The following CELF2 variants were observed in gnomAD, a reference collection of about 807,000 sequenced individuals.
CELF2 encodes the protein CUGBP Elav-like family member 2.
In CELF2, 8 loss-of-function variants were observed where a neutral mutation model predicts 62.6. That is an observed-to-expected ratio of 0.13 (90% CI 0.07 to 0.23). CELF2 has a LOEUF of 0.23. Ranked by LOEUF, CELF2 falls within the 10% of genes least tolerant of loss-of-function variation. CELF2 has a pLI of 1.00. For synonymous variants in CELF2, 258 were observed against 250.0 expected, an observed-to-expected ratio of 1.03 and a Z score of -0.30; for missense variants, 333 against 671.0, an observed-to-expected ratio of 0.50 and a Z score of 5.56.
chr10:10,598,620 C>A, the CELF2 span, among the ~76,000 whole-genome samples: 1 of 151,838 alleles, frequency 6.6e-6, no homozygotes, highest in Non-Finnish European at 1.5e-5. Context: ...TTATTGTGTG[C>A]CTATTCAGAG....
intron 2 of CELF2, among the ~76,000 whole-genome samples, chr10:11,198,631 A>G (rs2058528053): frequency 6.6e-6 from 1 of 152,238 alleles, no homozygotes; most frequent in South Asian, 2.1e-4. Context: ...GGTTTTAAAA[A>G]GCAATCTAGA....
rs766956554 is a variant in CELF2 at position 10,972,846 on chromosome 10, A to T, written c.89+52847A>T. ...TACCTTCCTCAGAAAACATGGGGAC[A>T]TGGTAGATTTTGCCTGTGTCTTCCC... On this transcript the variant is annotated intron_variant, in intron 2 of 13. Coordinates refer to the CELF2 transcript ENST00000636488. The surrounding 1 kb of genome is among the most constrained non-coding windows in gnomAD (Gnocchi z 4.4). Among the ~76,000 whole-genome samples, 3 of 152,190 alleles carry T rather than the reference A, an allele frequency of 2.0e-5. No individual in the cohort carries two copies. The highest frequency in any genetic ancestry group is 4.4e-5 in the Non-Finnish European group (3 of 68,036).
At chr10:10,599,956 C>A in the CELF2 span, among the ~76,000 whole-genome samples, 14 of 152,234 alleles carry the variant, frequency 9.2e-5, no homozygotes, top group African/African-American at 2.4e-4. Flanking sequence ...TGGTCTCGAT[C>A]TCCTGACCTC....
chr10:11,195,944 AAT>A (rs1169144571), intron 2 of CELF2, among the ~76,000 whole-genome samples: 1 of 152,198 alleles, frequency 6.6e-6, no homozygotes, highest in Non-Finnish European at 1.5e-5. Context: ...ACAAAATATT[AAT>A]ACTCTTTTTT....
chr10:11,199,894 T>A (rs560983952), intron 2 of CELF2, among the ~76,000 whole-genome samples: 10 of 152,192 alleles, frequency 6.6e-5, no homozygotes, highest in South Asian at 2.1e-4. Context: ...CCTAATTGGA[T>A]GGCCTGAATT....
At chr10:11,222,526 T>C (rs187134231) in intron 3 of CELF2, among the ~76,000 whole-genome samples, 5 of 152,354 alleles carry the variant, frequency 3.3e-5, no homozygotes, top group African/African-American at 7.2e-5. Context: ...TCTTGTGCCA[T>C]GCGGGGCACA....
chr10:11,164,498 C>A (rs1012782155), intron 1 of CELF2, among the ~76,000 whole-genome samples: 6 of 152,178 alleles, frequency 3.9e-5, no homozygotes, highest in Non-Finnish European at 7.4e-5. Context: ...TTTACTGAAG[C>A]TGGGAGAAGA....
the CELF2 span, among the ~76,000 whole-genome samples, chr10:10,600,688 AG>A: frequency 6.6e-6 from 1 of 152,194 alleles, no homozygotes; most frequent in South Asian, 2.1e-4. Flanking sequence ...GGAGGACAAA[AG>A]TTGAGCAGAA....
intron 1 of CELF2, among the ~76,000 whole-genome samples, chr10:10,913,249 C>A (rs1443869780): frequency 6.6e-6 from 1 of 151,928 alleles, no homozygotes; most frequent in African/African-American, 2.4e-5. Context: ...AGGACAGTGT[C>A]TTTAGATTTT....
intron 2 of CELF2, among the ~76,000 whole-genome samples, chr10:11,166,230 G>C (rs2067137374): frequency 6.6e-6 from 1 of 152,202 alleles, no homozygotes; most frequent in South Asian, 2.1e-4. Flanking sequence ...ACCGTGAGGT[G>C]AATCTGCCTT....
At chr10:11,198,177 T>C (rs951543535) in intron 2 of CELF2, among the ~76,000 whole-genome samples, 1 of 152,240 alleles carries the variant, frequency 6.6e-6, no homozygotes, top group Non-Finnish European at 1.5e-5. Flanking sequence ...AAAGGATAGC[T>C]GTGTAATCAG....
At chr10:10,678,044 C>A in the CELF2 span, among the ~76,000 whole-genome samples, 14 of 152,148 alleles carry the variant, frequency 9.2e-5, no homozygotes, top group African/African-American at 3.4e-4. Context: ...GAGCAGACTA[C>A]TGGTGCAAGC....
intron 1 of CELF2, among the ~76,000 whole-genome samples, chr10:11,021,918 T>G (rs947886737): frequency 6.6e-6 from 1 of 152,248 alleles, no homozygotes; most frequent in African/African-American, 2.4e-5. Flanking sequence ...TTATACTTTC[T>G]AATTTGATTC....
chr10:10,771,288 C>T, the CELF2 span, among the ~76,000 whole-genome samples: 12 of 152,196 alleles, frequency 7.9e-5, no homozygotes, highest in South Asian at 2.1e-4. Flanking sequence ...GAAATAGATC[C>T]GGAAGCCATA....
chr10:11,270,634 C>A lies in CELF2; in HGVS notation c.619-32C>A. 7.2e-7 allele frequency: 1 copy of A among 1,394,490 alleles called. No individual in the cohort carries two copies. The highest frequency in any genetic ancestry group is 9.4e-7 in the Non-Finnish European group (1 of 1,061,308). 86.4% of individuals were successfully genotyped at this position (1,394,490 alleles called of 1,614,324 possible). ...GAGCGGATTCCGCCAGCCTGTAACC[C>A]CCTCTCCACTTTCCAATGTGTCTGA... On this transcript the variant is annotated intron_variant, in intron 6 of 12. Coordinates refer to ENST00000633077, the MANE Select transcript of CELF2 (RefSeq NM_001326342.2). The surrounding 1 kb of genome is among the most constrained non-coding windows in gnomAD (Gnocchi z 5.8).
At chr10:10,706,858 A>T in the CELF2 span, among the ~76,000 whole-genome samples, 8 of 152,338 alleles carry the variant, frequency 5.3e-5, no homozygotes, top group South Asian at 1.0e-3. Context: ...TAGATTTACA[A>T]GCCATGCAAA....
chr10:10,791,739 A>G, the CELF2 span, among the ~76,000 whole-genome samples: 1 of 152,194 alleles, frequency 6.6e-6, no homozygotes, highest in Non-Finnish European at 1.5e-5. Flanking sequence ...AAAGTGGACC[A>G]GCACTGGTCT....
chr10:11,151,881 C>T (rs984285115), intron 1 of CELF2, among the ~76,000 whole-genome samples: 1 of 152,206 alleles, frequency 6.6e-6, no homozygotes, highest in Non-Finnish European at 1.5e-5. Context: ...TCGGGTCATG[C>T]TCCATCTTGC....
the CELF2 span, among the ~76,000 whole-genome samples, chr10:10,616,931 AT>A: frequency 2.6e-5 from 4 of 151,778 alleles, no homozygotes; most frequent in African/African-American, 9.7e-5. Flanking sequence ...TAATTTATTT[AT>A]TTTTTGTAGA....
Sources: allele counts gnomAD v4.1 joint callset (sites outside exome capture counted in the v4.1 genomes callset), GRCh38; gene constraint gnomAD v4.1.1; non-coding constraint Gnocchi (gnomAD v3.1); transcripts MANE v1.5; gene names NCBI Gene and HGNC (gene_info 2026-07-23, HGNC 2026-07-21).